RYR3: variants seen among roughly 807,000 people sequenced by gnomAD.
RYR3 encodes the protein brain ryanodine receptor-calcium release channel.
A neutral mutation model predicts 584.3 loss-of-function variants in RYR3; 207 were observed. The ratio of observed to expected loss-of-function variants is 0.35; its 90% confidence interval spans 0.32 to 0.40. RYR3 has a LOEUF of 0.40. RYR3 is among the 10% of genes least tolerant of loss of function. RYR3 has a pLI of 1.00. For missense variants in RYR3, 5,616 were observed against 6,089.2 expected (o/e 0.92, Z 2.59); for synonymous variants, 2,416 against 2,248.5 (o/e 1.07, Z -2.11).
intron 9 of RYR3, among the ~76,000 whole-genome samples, chr15:33,549,576 C>G (rs2056517636): frequency 6.6e-6 from 1 of 152,224 alleles, no homozygotes; most frequent in Admixed American, 6.5e-5. Flanking sequence ...ATGAAGAGGA[C>G]AGTATTCAAT....
intron 38 of RYR3, among the ~76,000 whole-genome samples, chr15:33,671,188 G>T (rs575371528): frequency 4.6e-5 from 7 of 152,144 alleles, no homozygotes; most frequent in Non-Finnish European, 5.9e-5. Context: ...CTGCAGGGCT[G>T]TTAGACTATC....
At chr15:33,788,605 G>C (rs573894559) in intron 67 of RYR3, 147 bp downstream of exon 67, 13 of 867,562 alleles carry the variant, frequency 1.5e-5, no homozygotes, top group Non-Finnish European at 2.3e-5. Context: ...CAACACCAAT[G>C]GTTCCTGCTG....
At chr15:33,445,584 A>G (rs1323458053) in intron 1 of RYR3, among the ~76,000 whole-genome samples, 1 of 151,478 alleles carries the variant, frequency 6.6e-6, no homozygotes, top group Non-Finnish European at 1.5e-5. Context: ...TCCGTTTTCC[A>G]GTCTCAGATG....
chr15:33,369,818 C>T (rs1042390629), intron 1 of RYR3, among the ~76,000 whole-genome samples: 1 of 152,184 alleles, frequency 6.6e-6, no homozygotes, highest in Non-Finnish European at 1.5e-5. Flanking sequence ...CCTATAGTAG[C>T]TGTCACATTC....
chr15:33,634,765 A>G, intron 25 of RYR3, 32 bp downstream of exon 25: 1 of 1,602,114 alleles, frequency 6.2e-7, no homozygotes, highest in Non-Finnish European at 8.6e-7. Context: ...TTCTGGCCCC[A>G]GTTTACTAAA....
chr15:33,710,339 C>CTT (rs58909445), intron 43 of RYR3, among the ~76,000 whole-genome samples: 3 of 112,438 alleles, frequency 2.7e-5, no homozygotes, highest in African/African-American at 7.1e-5. Flanking sequence ...GTGCCATACA[C>CTT]TTTTTTTTTT....
At chr15:33,542,683 A>G (rs2055920956) in intron 7 of RYR3, among the ~76,000 whole-genome samples, 1 of 152,128 alleles carries the variant, frequency 6.6e-6, no homozygotes, top group South Asian at 2.1e-4. Context: ...TCCAGCACCC[A>G]AAATAGTTTT....
At chr15:33,342,825 T>G (rs533554872) in intron 1 of RYR3, among the ~76,000 whole-genome samples, 1 of 152,178 alleles carries the variant, frequency 6.6e-6, no homozygotes, top group African/African-American at 2.4e-5. Flanking sequence ...ACATTTCTTA[T>G]TAACTCACAG....
At chr15:33,624,570 A>G (rs2060889619) in intron 20 of RYR3, among the ~76,000 whole-genome samples, 1 of 152,208 alleles carries the variant, frequency 6.6e-6, no homozygotes, top group Non-Finnish European at 1.5e-5. Context: ...GCGTATTCTC[A>G]TATGGCTGGG....
chr15:33,419,159 G>T (rs929972008), intron 1 of RYR3, among the ~76,000 whole-genome samples: 3 of 152,172 alleles, frequency 2.0e-5, no homozygotes, highest in Middle Eastern at 6.3e-3. Context: ...AAAGCTTCCT[G>T]AGGAAGCCTG....
chr15:33,840,150 A>T (rs2078269571), intron 89 of RYR3, among the ~76,000 whole-genome samples: 1 of 152,190 alleles, frequency 6.6e-6, no homozygotes, highest in African/African-American at 2.4e-5. Context: ...GCTTCTGAAA[A>T]GGTGTCATCT....
At chr15:33,641,556 G>A (rs942929800) in intron 27 of RYR3, among the ~76,000 whole-genome samples, 11 of 152,340 alleles carry the variant, frequency 7.2e-5, no homozygotes, top group African/African-American at 2.6e-4. Context: ...GGAGGGAGCT[G>A]ATTAAATGTA....
At chr15:33,767,841 T>G (rs551219939) in intron 60 of RYR3, among the ~76,000 whole-genome samples, 35 of 152,232 alleles carry the variant, frequency 2.3e-4, no homozygotes, top group African/African-American at 8.4e-4. Context: ...GCAACACAGG[T>G]CAAATGATGG....
chr15:33,337,339 T>C (rs1971242571), intron 1 of RYR3, among the ~76,000 whole-genome samples: 1 of 152,126 alleles, frequency 6.6e-6, no homozygotes, highest in Non-Finnish European at 1.5e-5. Context: ...AAAAATGTAT[T>C]ACCAAGAAAG....
At chr15:33,741,432 T>C (rs1027498705) in intron 51 of RYR3, among the ~76,000 whole-genome samples, 2 of 152,130 alleles carry the variant, frequency 1.3e-5, no homozygotes, top group Non-Finnish European at 2.9e-5. Context: ...GAAAGTCTGA[T>C]TTGCCCAGTC....
chr15:33,514,162 G>A (rs1056283650), intron 3 of RYR3, among the ~76,000 whole-genome samples: 2 of 152,182 alleles, frequency 1.3e-5, no homozygotes, highest in Non-Finnish European at 2.9e-5. Flanking sequence ...GATTGAAGAG[G>A]AAAGGCACTT....
chr15:33,848,139 T>C (rs1014584680), intron 93 of RYR3, among the ~76,000 whole-genome samples, 152 bp from the exon 94 acceptor site: 1 of 152,164 alleles, frequency 6.6e-6, no homozygotes, highest in African/African-American at 2.4e-5. Context: ...AGAGATTCAT[T>C]TGGCTTTGAT....
intron 18 of RYR3, among the ~76,000 whole-genome samples, chr15:33,606,312 G>A (rs114987379): frequency 2.1e-3 from 325 of 152,232 alleles, no homozygotes; most frequent in African/African-American, 7.1e-3. Context: ...ACCTTCCATC[G>A]TCATCTATGA....
intron 1 of RYR3, among the ~76,000 whole-genome samples, chr15:33,321,194 T>G (rs8039430): frequency 6.6e-6 from 1 of 152,066 alleles, no homozygotes; most frequent in African/African-American, 2.4e-5. Flanking sequence ...TTTTACAACT[T>G]ATGTCTTAAG....
Sources: allele counts gnomAD v4.1 joint callset (sites outside exome capture counted in the v4.1 genomes callset), GRCh38; gene constraint gnomAD v4.1.1; transcripts MANE v1.5; gene names NCBI Gene and HGNC (gene_info 2026-07-23, HGNC 2026-07-21).